EXOC4: variants seen among roughly 807,000 people sequenced by gnomAD.
The protein encoded by EXOC4 is exocyst complex component 4, also known as SEC8-like 1.
In EXOC4, 71 loss-of-function variants were observed where a neutral mutation model predicts 107.2. The observed-to-expected ratio is 0.66, with a 90% CI of 0.55 to 0.81. The LOEUF is 0.81. Ranked by LOEUF, EXOC4 falls within the 30% of genes least tolerant of loss-of-function variation. The pLI, the probability that EXOC4 is intolerant of heterozygous loss-of-function variation, is 0.00. For synonymous variants in EXOC4, 456 were observed against 441.2 expected, an observed-to-expected ratio of 1.03 and a Z score of -0.42; for missense variants, 1,108 against 1,189.6, an observed-to-expected ratio of 0.93 and a Z score of 1.01.
At chr7:133,651,653 A>G (rs1803156057) in intron 10 of EXOC4, among the ~76,000 whole-genome samples, 1 of 152,164 alleles carries the variant, frequency 6.6e-6, no homozygotes, top group Non-Finnish European at 1.5e-5. Context: ...AGAGTTGCCC[A>G]GAAGGACCAC....
At chr7:133,853,687 G>A (rs948788717) in intron 11 of EXOC4, among the ~76,000 whole-genome samples, 2 of 152,122 alleles carry the variant, frequency 1.3e-5, no homozygotes, top group East Asian at 1.9e-4. Flanking sequence ...GTGGGGAGAC[G>A]TCCTGCTTCA....
chr7:133,463,787 G>A (rs576438273), intron 7 of EXOC4, among the ~76,000 whole-genome samples: 1 of 152,162 alleles, frequency 6.6e-6, no homozygotes, highest in African/African-American at 2.4e-5. Context: ...TTATTGTAGC[G>A]CAAAGGGGAA....
intron 12 of EXOC4, among the ~76,000 whole-genome samples, chr7:133,910,584 CT>C (rs1462740102): frequency 6.6e-6 from 1 of 152,068 alleles, no homozygotes; most frequent in African/African-American, 2.4e-5. Context: ...TCTTAACTGA[CT>C]TTTTGGTTTT....
intron 15 of EXOC4, among the ~76,000 whole-genome samples, chr7:134,004,081 G>T (rs1002202502): frequency 2.0e-5 from 3 of 152,120 alleles, no homozygotes; most frequent in Admixed American, 6.6e-5. Context: ...TGCTTAGAGT[G>T]AGATGCTGTT....
intron 15 of EXOC4, among the ~76,000 whole-genome samples, 164 bp from the exon 16 acceptor site, chr7:134,004,748 T>C (rs1336386450): frequency 6.6e-6 from 1 of 152,124 alleles, no homozygotes; most frequent in East Asian, 1.9e-4. Flanking sequence ...GTGTAGAGCA[T>C]AGTGTCTGGC....
intron 11 of EXOC4, among the ~76,000 whole-genome samples, chr7:133,824,635 T>G (rs1360382738): frequency 6.6e-6 from 1 of 152,166 alleles, no homozygotes; most frequent in Non-Finnish European, 1.5e-5. Flanking sequence ...ACAACACAAA[T>G]GTACTCTTGC....
In EXOC4 at chr7:133,855,042, T is replaced by TATATATATCTAAATATATCTAA. The variant is rs1554409707; in HGVS notation, c.1734+37504_1734+37505insATCTAAATATATCTAAATATAT. Among the ~76,000 whole-genome samples, 4 of 75,680 alleles carry TATATATATCTAAATATATCTAA rather than the reference T, an allele frequency of 5.3e-5. No homozygotes were observed. In the East Asian group the frequency reaches 1.1e-3, roughly 20 times the overall value. 49.6% of individuals were successfully genotyped at this position (75,680 alleles called of 152,430 possible). ...AAGGCTATATATATATCTAAATATA[T>TATATATATCTAAATATATCTAA]ATATATCTAAATATATCTAAATATA... On this transcript the variant is annotated intron_variant, in intron 11 of 17. Coordinates refer to ENST00000253861, the MANE Select transcript of EXOC4 (RefSeq NM_021807.4).
intron 10 of EXOC4, among the ~76,000 whole-genome samples, chr7:133,673,429 G>C (rs142853297): frequency 6.6e-6 from 1 of 152,220 alleles, no homozygotes; most frequent in East Asian, 1.9e-4. Context: ...AGTTAACCTT[G>C]CATCTCCTGT....
At chr7:133,379,393 T>G (rs1186582064) in intron 7 of EXOC4, among the ~76,000 whole-genome samples, 2 of 152,108 alleles carry the variant, frequency 1.3e-5, no homozygotes, top group Non-Finnish European at 2.9e-5. Flanking sequence ...TAATACAAGT[T>G]TGTCATTTTG....
chr7:133,611,077 A>G (rs1455042756), intron 9 of EXOC4, among the ~76,000 whole-genome samples: 1 of 149,958 alleles, frequency 6.7e-6, no homozygotes, highest in Non-Finnish European at 1.5e-5. Flanking sequence ...GGCTGGGATT[A>G]CAGGCATGAG....
chr7:134,063,403 G>A (rs1436907251), intron 17 of EXOC4, among the ~76,000 whole-genome samples: 1 of 152,172 alleles, frequency 6.6e-6, no homozygotes, highest in African/African-American at 2.4e-5. Flanking sequence ...GTTGTCAAGT[G>A]TCCGTGAAAA....
intron 9 of EXOC4, among the ~76,000 whole-genome samples, chr7:133,585,665 T>A (rs956719967): frequency 1.3e-5 from 2 of 152,120 alleles, no homozygotes; most frequent in Non-Finnish European, 1.5e-5. Flanking sequence ...GAGCTTATGT[T>A]CTAGAAGAGG....
chr7:133,897,225 A>C (rs985778304), intron 12 of EXOC4, among the ~76,000 whole-genome samples: 4 of 149,752 alleles, frequency 2.7e-5, no homozygotes, highest in African/African-American at 1.0e-4. Context: ...TCATTCCAGC[A>C]AGAAGAATGA....
At chr7:133,999,560 AT>A (rs1237919689) in intron 15 of EXOC4, among the ~76,000 whole-genome samples, 1 of 152,132 alleles carries the variant, frequency 6.6e-6, no homozygotes, top group Non-Finnish European at 1.5e-5. Context: ...GTATCTCTTT[AT>A]TTACAAGCGG....
chr7:133,950,307 C>A (rs537747886), intron 14 of EXOC4, among the ~76,000 whole-genome samples: 1 of 152,208 alleles, frequency 6.6e-6, no homozygotes, highest in Non-Finnish European at 1.5e-5. Flanking sequence ...CTTCAAACAA[C>A]ATCTCTTTCT....
intron 5 of EXOC4, among the ~76,000 whole-genome samples, chr7:133,350,037 G>A (rs1006825841): frequency 3.9e-5 from 6 of 152,090 alleles, no homozygotes; most frequent in Non-Finnish European, 8.8e-5. Flanking sequence ...TGACTTTTTT[G>A]TTGAATTTAG....
chr7:133,578,401 T>C (rs1248580191), intron 9 of EXOC4, among the ~76,000 whole-genome samples: 2 of 152,152 alleles, frequency 1.3e-5, no homozygotes, highest in Admixed American at 1.3e-4. Flanking sequence ...ACATATGTGA[T>C]TTTGGGATCT....
At chr7:133,983,835 A>G (rs1046074637) in intron 14 of EXOC4, among the ~76,000 whole-genome samples, 3 of 152,192 alleles carry the variant, frequency 2.0e-5, no homozygotes, top group Non-Finnish European at 4.4e-5. Flanking sequence ...CAGCACCACA[A>G]TACTGCTTTT....
intron 11 of EXOC4, among the ~76,000 whole-genome samples, chr7:133,833,240 T>G (rs1452750766): frequency 2.1e-5 from 3 of 143,898 alleles, no homozygotes; most frequent in Non-Finnish European, 4.6e-5. Flanking sequence ...AATCAGTCCC[T>G]GAGAAGGAAA....
Sources: gnomAD v4.1 joint callset for allele counts (sites outside exome capture counted in the v4.1 genomes callset) on GRCh38, gnomAD v4.1.1 for gene constraint, MANE v1.5 for transcripts, NCBI Gene and HGNC (gene_info 2026-07-23, HGNC 2026-07-21) for gene names.